Variants in DNAH5 observed in about 807,000 individuals in gnomAD.
DNAH5 encodes axonemal beta dynein heavy chain 5.
Under a neutral mutation model 518.2 loss-of-function variants are expected in DNAH5, and 372 were observed. That is an observed-to-expected ratio of 0.72 (90% CI 0.66 to 0.78). The LOEUF (loss-of-function observed/expected upper bound fraction) is 0.78, where lower values mean the gene tolerates loss of function less well. Ranked by LOEUF, DNAH5 falls within the 30% of genes least tolerant of loss-of-function variation. The pLI, the probability that DNAH5 is intolerant of heterozygous loss-of-function variation, is 0.00. For missense variants in DNAH5, 5,523 were observed against 5,687.0 expected (o/e 0.97, Z 0.93); for synonymous variants, 2,039 against 2,025.9 (o/e 1.01, Z -0.17).
intron 1 of DNAH5, among the ~76,000 whole-genome samples, chr5:13,934,567 A>G (rs911357417): frequency 2.0e-5 from 3 of 152,354 alleles, no homozygotes; most frequent in African/African-American, 7.2e-5. Flanking sequence ...TTTTCCAGAA[A>G]CTTGACTATA....
intron 30 of DNAH5, among the ~76,000 whole-genome samples, chr5:13,854,102 A>T (rs2151890571): frequency 6.6e-6 from 1 of 152,288 alleles, no homozygotes; most frequent in East Asian, 1.9e-4. Context: ...TGAAGGAAAA[A>T]ATATTAAAGG....
intron 40 of DNAH5, among the ~76,000 whole-genome samples, chr5:13,822,631 C>T (rs1442526746): frequency 3.9e-5 from 6 of 152,190 alleles, no homozygotes; most frequent in Admixed American, 6.5e-5. Context: ...TTCTATAAAA[C>T]ATTTTTTTCC....
chr5:13,829,611 T>G lies in DNAH5; in HGVS notation c.6343A>C (p.Ile2115Leu), dbSNP rs1185708782. The change falls in exon 38 of 79, where the codon ATA becomes CTA. Residue 2115 changes from isoleucine to leucine, a missense_variant. Around this residue, in one of 3 missense-constraint regions of DNAH5, gnomAD observed 5,121 missense variants for 5,223.3 expected, o/e 0.98. Transcript: ENST00000265104. ...AMMVPDRQII[I>L]RVKLASCGFI... ...CCACAACTAGCCAACTTCACCCTTATGATAATCTGACGGTCAGGCACCATC... is the reference window on the plus strand; with the variant it reads ...CCACAACTAGCCAACTTCACCCTTAGGATAATCTGACGGTCAGGCACCATC... The G allele has an allele frequency of 1.2e-6, 2 of 1,614,062 alleles. No individual in the cohort carries two copies. The highest frequency in any genetic ancestry group is 1.7e-6 in the Non-Finnish European group (2 of 1,180,034).
At chr5:13,824,094 G>A in intron 39 of DNAH5, 105 bp downstream of exon 39, 3 of 1,170,366 alleles carry the variant, frequency 2.6e-6, no homozygotes, top group Non-Finnish European at 3.8e-6. Context: ...TGACAATTAG[G>A]CATTTTAAAT....
chr5:13,857,323 T>C (rs907522304), intron 30 of DNAH5, among the ~76,000 whole-genome samples: 3 of 152,132 alleles, frequency 2.0e-5, no homozygotes, highest in African/African-American at 7.2e-5. Context: ...AAGGACCTCT[T>C]CAAGGAGAAC....
chr5:13,851,532 A>T, intron 30 of DNAH5, among the ~76,000 whole-genome samples: 1 of 150,868 alleles, frequency 6.6e-6, no homozygotes, highest in Non-Finnish European at 1.5e-5. Flanking sequence ...CTGGTCTTGA[A>T]CTCCTGGGCT....
chr5:13,698,724 T>C (rs1561068859), intron 78 of DNAH5, among the ~76,000 whole-genome samples: 1 of 152,090 alleles, frequency 6.6e-6, no homozygotes, highest in African/African-American at 2.4e-5. Context: ...TTGAAAAACA[T>C]AGTACTAAAG....
intron 7 of DNAH5, among the ~76,000 whole-genome samples, chr5:13,918,222 A>C (rs962625532): frequency 6.6e-6 from 1 of 152,306 alleles, no homozygotes; most frequent in Middle Eastern, 3.4e-3. Context: ...GCTATGTTCT[A>C]AGCTGCTCTA....
intron 1 of DNAH5, among the ~76,000 whole-genome samples, chr5:14,009,831 G>A (rs951607531): frequency 1.3e-5 from 2 of 152,146 alleles, no homozygotes; most frequent in African/African-American, 2.4e-5. Flanking sequence ...ACAGAAAACC[G>A]AAAATATTTA....
At chr5:13,698,785 C>A (rs1741700750) in intron 78 of DNAH5, among the ~76,000 whole-genome samples, 2 of 152,232 alleles carry the variant, frequency 1.3e-5, no homozygotes, top group Non-Finnish European at 2.9e-5. Flanking sequence ...AACAAGAAGG[C>A]ACAGCCTCAC....
At chr5:14,007,079 G>GGT (rs1784771748) in intron 1 of DNAH5, among the ~76,000 whole-genome samples, 1 of 152,192 alleles carries the variant, frequency 6.6e-6, no homozygotes, top group African/African-American at 2.4e-5. Context: ...CTCCACCCAG[G>GGT]CGAGGACTCT....
intron 78 of DNAH5, among the ~76,000 whole-genome samples, chr5:13,699,928 A>G (rs1561070717): frequency 2.0e-5 from 3 of 152,086 alleles, no homozygotes; most frequent in Non-Finnish European, 4.4e-5. Context: ...GAAAGGTGAC[A>G]AAAAAAGCCT....
chr5:13,953,655 T>C (rs1780575880), intron 1 of DNAH5, among the ~76,000 whole-genome samples: 1 of 152,248 alleles, frequency 6.6e-6, no homozygotes, highest in South Asian at 2.1e-4. Context: ...TTTGATTGTT[T>C]TAACTTTCAA....
chr5:13,795,228 C>CA (rs1299813597), intron 47 of DNAH5, among the ~76,000 whole-genome samples: 1 of 151,742 alleles, frequency 6.6e-6, no homozygotes, highest in Non-Finnish European at 1.5e-5. Context: ...GACAGACACA[C>CA]AAAAAACCCT....
intron 25 of DNAH5, among the ~76,000 whole-genome samples, chr5:13,867,405 C>T (rs1010779393): frequency 3.8e-4 from 58 of 152,280 alleles, no homozygotes; most frequent in African/African-American, 1.1e-3. Flanking sequence ...CTTCCCTCTT[C>T]GCTCAGCATT....
chr5:13,969,056 A>G (rs976283036), intron 1 of DNAH5, among the ~76,000 whole-genome samples: 2 of 152,050 alleles, frequency 1.3e-5, no homozygotes, highest in Non-Finnish European at 2.9e-5. Flanking sequence ...ATAGTTGTAT[A>G]TTCCTAGGAA....
At chr5:13,828,916 T>G (rs996749347) in intron 38 of DNAH5, among the ~76,000 whole-genome samples, 9 of 152,210 alleles carry the variant, frequency 5.9e-5, no homozygotes, top group African/African-American at 1.7e-4. Context: ...ACAGACACCA[T>G]GTAGTAATAA....
intron 11 of DNAH5, among the ~76,000 whole-genome samples, chr5:13,911,711 CATG>C (rs1776018632): frequency 1.3e-5 from 2 of 152,070 alleles, no homozygotes; most frequent in Admixed American, 6.6e-5. Flanking sequence ...AAAGTATTTT[CATG>C]ATGTTTTATG....
intron 1 of DNAH5, among the ~76,000 whole-genome samples, chr5:13,996,334 T>C (rs867063763): frequency 2.6e-5 from 4 of 152,154 alleles, no homozygotes; most frequent in South Asian, 4.2e-4. Context: ...AATTCATGTC[T>C]TTCTCACATA....
Sources: allele counts gnomAD v4.1 joint callset (sites outside exome capture counted in the v4.1 genomes callset), GRCh38; gene constraint gnomAD v4.1.1; regional missense constraint gnomAD v4.1.1; transcripts MANE v1.5; gene names NCBI Gene and HGNC (gene_info 2026-07-23, HGNC 2026-07-21).